SERPINB5: variants seen among roughly 807,000 people sequenced by gnomAD.
SERPINB5 encodes serpin family B member 5, also known as serpin B5.
In SERPINB5, 27 loss-of-function variants were observed where a neutral mutation model predicts 32.2. That is an observed-to-expected ratio of 0.84 (90% CI 0.62 to 1.16). The LOEUF (loss-of-function observed/expected upper bound fraction) is 1.16. Ranked by LOEUF, SERPINB5 falls within the 50% of genes most tolerant of loss-of-function variation. SERPINB5 has a pLI of 0.00. For missense variants in SERPINB5, 388 were observed against 436.3 expected, an observed-to-expected ratio of 0.89 and a Z score of 0.99; for synonymous variants, 154 against 157.4, an observed-to-expected ratio of 0.98 and a Z score of 0.16.
chr18:63,495,397 C>T lies in SERPINB5; in HGVS notation c.567+2302C>T, dbSNP rs369526770. Among the ~76,000 whole-genome samples, 3 of 152,322 alleles carry T rather than the reference C, an allele frequency of 2.0e-5. No homozygotes were observed. In the East Asian group the frequency reaches 5.8e-4, roughly 29 times the overall value. ...GCCCCACTGGCCCTGACGGCATCCA[C>T]ACAGCCTTTGCTGTCATAGAGTGAC... On this transcript the variant is annotated intron_variant, in intron 5 of 6. Transcript: ENST00000382771.
In SERPINB5 at chr18:63,503,461, A is replaced by C. The variant is rs200796901; in HGVS notation, c.867A>C (p.Glu289Asp). Residue 289 changes from glutamate to aspartate, a missense_variant, in exon 7 of 7, where the codon GAA becomes GAC. By Grantham distance (45) the Glu-to-Asp change is conservative. Coordinates refer to ENST00000382771, the MANE Select transcript of SERPINB5 (RefSeq NM_002639.5). ...EKMIDPKACL[E>D]NLGLKHIFSE... ...TGATTGATCCCAAGGCTTGTCTGGA[A>C]AATCTAGGGCTGAAACATATCTTCA... 1.7e-4 allele frequency: 278 copies of C among 1,614,238 alleles called. No homozygotes were observed. The highest frequency in any genetic ancestry group is 2.2e-4 in the Non-Finnish European group (257 of 1,180,036).
chr18:63,502,106 A>T (rs1237098984), intron 6 of SERPINB5, among the ~76,000 whole-genome samples: 1 of 151,836 alleles, frequency 6.6e-6, no homozygotes, highest in Non-Finnish European at 1.5e-5. Context: ...GTATAGAACT[A>T]AAGAAAATGA....
chr18:63,483,878 T>C (rs757692756), intron 1 of SERPINB5, among the ~76,000 whole-genome samples: 1 of 152,242 alleles, frequency 6.6e-6, no homozygotes, highest in Non-Finnish European at 1.5e-5. Flanking sequence ...AAATAGGACA[T>C]ACCCTGTTTC....
chr18:63,486,902 C>T (rs2144497369), intron 2 of SERPINB5, 44 bp from the exon 3 acceptor site: 1 of 1,607,174 alleles, frequency 6.2e-7, no homozygotes, highest in Non-Finnish European at 8.5e-7. Context: ...TACAGCACTA[C>T]TCAGAGGCAA....
At chr18:63,484,741 CTTT>C (rs869236018) in intron 2 of SERPINB5, 145 bp downstream of exon 2, 931 of 107,964 alleles carry the variant, frequency 8.6e-3, no homozygotes, top group South Asian at 0.021. Flanking sequence ...CTCTCTTAAT[CTTT>C]TTTTTTTTTT....
At chr18:63,496,818 A>G (rs1383656720) in intron 5 of SERPINB5, among the ~76,000 whole-genome samples, 1 of 152,232 alleles carries the variant, frequency 6.6e-6, no homozygotes, top group African/African-American at 2.4e-5. Context: ...TCCTTCAGGA[A>G]ATCAGTCATC....
At chr18:63,490,008 C>T (rs1198194569) in intron 4 of SERPINB5, among the ~76,000 whole-genome samples, 2 of 151,988 alleles carry the variant, frequency 1.3e-5, no homozygotes, top group East Asian at 1.9e-4. Context: ...CTGGCTAACA[C>T]GGTGAAACCC....
intron 4 of SERPINB5, among the ~76,000 whole-genome samples, chr18:63,492,464 T>G (rs1222072257): frequency 1.3e-5 from 2 of 152,192 alleles, no homozygotes; most frequent in Non-Finnish European, 2.9e-5. Flanking sequence ...ATAATATATG[T>G]GAAATTCTGC....
intron 1 of SERPINB5, among the ~76,000 whole-genome samples, chr18:63,478,018 A>G (rs1917063118): frequency 6.6e-6 from 1 of 152,016 alleles, no homozygotes; most frequent in Non-Finnish European, 1.5e-5. Context: ...TTCATCCCCT[A>G]CATCTCCCGG....
At chr18:63,489,556 T>C in intron 4 of SERPINB5, 92 bp downstream of exon 4, 1 of 734,938 alleles carries the variant, frequency 1.4e-6, no homozygotes, top group Non-Finnish European at 2.3e-6. Flanking sequence ...AAAAAACATC[T>C]GGAGGATTCT....
intron 5 of SERPINB5, 184 bp downstream of exon 5, chr18:63,493,279 C>A (rs1038540885): frequency 2.8e-5 from 20 of 713,668 alleles, no homozygotes; most frequent in African/African-American, 5.3e-5. Flanking sequence ...AGAGGCCCCC[C>A]CTCCTCTTTT....
intron 5 of SERPINB5, 67 bp from the exon 6 acceptor site, chr18:63,499,053 A>G (rs1038369072): frequency 1.4e-4 from 87 of 632,608 alleles, no homozygotes; most frequent in African/African-American, 1.2e-3. Context: ...GTGTGTATAT[A>G]TATATATATA....
chr18:63,493,062 A>C lies in SERPINB5; in HGVS notation c.534A>C (p.Ser178=). The C allele has an allele frequency of 6.2e-7, 1 of 1,614,270 alleles. No homozygotes were observed. The highest frequency in any genetic ancestry group is 8.5e-7 in the Non-Finnish European group (1 of 1,180,052). The part of the protein sequence containing the change: ...VGKWMKKFSE[S]ETKECPFRVN... ...AGTGGATGAAGAAATTTTCTGAATC[A>C]GAAACAAAAGAATGTCCTTTCAGAG... Residue 178 remains serine (S), a synonymous_variant, in exon 5 of 7, where the codon TCA becomes TCC. Coordinates refer to ENST00000382771, the MANE Select transcript of SERPINB5 (RefSeq NM_002639.5).
At chr18:63,492,840 C>T in intron 4 of SERPINB5, 113 bp from the exon 5 acceptor site, 1 of 1,321,392 alleles carries the variant, frequency 7.6e-7, no homozygotes, top group Non-Finnish European at 1.0e-6. Flanking sequence ...ACCATCAGGC[C>T]TTACATGGTG....
intron 4 of SERPINB5, among the ~76,000 whole-genome samples, chr18:63,489,836 G>A (rs1917272754): frequency 6.6e-6 from 1 of 152,162 alleles, no homozygotes; most frequent in East Asian, 1.9e-4. Context: ...GATCCCCGAG[G>A]CCCCTTTCAG....
intron 5 of SERPINB5, chr18:63,497,499 G>T: frequency 5.4e-5 from 12 of 222,790 alleles, no homozygotes; most frequent in Non-Finnish European, 6.1e-5. Context: ...CAACGTTTCT[G>T]AAAAAAAAAA....
At chr18:63,495,144 A>G (rs1378224459) in intron 5 of SERPINB5, among the ~76,000 whole-genome samples, 1 of 152,234 alleles carries the variant, frequency 6.6e-6, no homozygotes, top group Non-Finnish European at 1.5e-5. Flanking sequence ...TCCCAACTGC[A>G]GTGGTCTTCT....
At position 63,504,078 on chromosome 18, in the gene SERPINB5, A is replaced by C. The variant is rs1875434406; in HGVS notation, c.*356A>C. 1 of 252,054 alleles carries C rather than the reference A, an allele frequency of 4.0e-6. No individual in the cohort carries two copies. Among genetic ancestry groups the C allele is most frequent in the South Asian group, 5.4e-5 (1 of 18,624 alleles). 15.6% of individuals were successfully genotyped at this position (252,054 alleles called of 1,614,324 possible). A position where few individuals can be genotyped will look rare whatever the true frequency, so the allele number is the denominator to read the frequency against. ...GGAAGATTTGGAAGCTCTTCTTCCC[A>C]GCACTATGCTTTCCTTCTTTGGGAT... On this transcript the variant is annotated 3_prime_UTR_variant, in exon 7 of 7. Coordinates refer to ENST00000382771, the MANE Select transcript of SERPINB5 (RefSeq NM_002639.5).
chr18:63,497,446 A>T (rs1489457391), intron 5 of SERPINB5: 2 of 765,828 alleles, frequency 2.6e-6, no homozygotes, highest in Non-Finnish European at 4.5e-6. Context: ...GCGGCTGCAC[A>T]CCATTCTTGG....
Sources: allele counts gnomAD v4.1 joint callset (sites outside exome capture counted in the v4.1 genomes callset), GRCh38; gene constraint gnomAD v4.1.1; transcripts MANE v1.5; gene names NCBI Gene and HGNC (gene_info 2026-07-23, HGNC 2026-07-21).